ADAMTS3: variants seen among roughly 807,000 people sequenced by gnomAD.
ADAMTS3 encodes the protein ADAM metallopeptidase with thrombospondin type 1 motif 3.
A neutral mutation model predicts 129.0 loss-of-function variants in ADAMTS3; 73 were observed. That is an observed-to-expected ratio of 0.57 (90% CI 0.47 to 0.69). ADAMTS3 has a LOEUF of 0.69. Ranked by LOEUF, ADAMTS3 falls within the 30% of genes least tolerant of loss-of-function variation. The probability of loss-of-function intolerance (pLI) is 0.00; values close to 1 mark genes in which losing one functional copy is unlikely to be tolerated. For missense variants in ADAMTS3, 1,457 were observed against 1,514.5 expected, an observed-to-expected ratio of 0.96 and a Z score of 0.63; for synonymous variants, 477 against 510.8, an observed-to-expected ratio of 0.93 and a Z score of 0.89.
At chr4:72,511,156 G>A (rs1391499258) in intron 3 of ADAMTS3, among the ~76,000 whole-genome samples, 2 of 151,988 alleles carry the variant, frequency 1.3e-5, no homozygotes, top group African/African-American at 4.8e-5. Flanking sequence ...AAATCTCAGA[G>A]CTCAAATTAT....
chr4:72,393,175 C>T (rs924175990), intron 4 of ADAMTS3, among the ~76,000 whole-genome samples: 2 of 152,062 alleles, frequency 1.3e-5, no homozygotes, highest in African/African-American at 4.8e-5. Context: ...CCACCCACCT[C>T]GGCCGCCCAA....
intron 3 of ADAMTS3, among the ~76,000 whole-genome samples, chr4:72,455,663 C>A (rs939547787): frequency 6.8e-6 from 1 of 146,224 alleles, no homozygotes; most frequent in East Asian, 2.0e-4. Context: ...TGGACAGTTT[C>A]TTTAAAAAGA....
chr4:72,340,005 G>C (rs1720094251), intron 4 of ADAMTS3, among the ~76,000 whole-genome samples: 1 of 152,154 alleles, frequency 6.6e-6, no homozygotes, highest in Non-Finnish European at 1.5e-5. Context: ...AGTCAAGGCA[G>C]TGGGGGTACA....
intron 3 of ADAMTS3, among the ~76,000 whole-genome samples, chr4:72,496,578 C>G (rs1719877834): frequency 1.3e-5 from 2 of 152,028 alleles, no homozygotes; most frequent in Non-Finnish European, 2.9e-5. Flanking sequence ...ATCCTATGAC[C>G]ACTATGGAGC....
At chr4:72,539,491 G>GAAAAAAAAAAAAA (rs71215438) in intron 3 of ADAMTS3, among the ~76,000 whole-genome samples, 3 of 86,614 alleles carry the variant, frequency 3.5e-5, no homozygotes, top group African/African-American at 4.3e-5. Context: ...GCTACTATCA[G>GAAAAAAAAAAAAA]AAAAAAAAAA....
intron 3 of ADAMTS3, among the ~76,000 whole-genome samples, chr4:72,430,615 C>G (rs565102339): frequency 6.6e-6 from 1 of 151,922 alleles, no homozygotes; most frequent in South Asian, 2.1e-4. Context: ...AATCCATGAA[C>G]ATAGTAAATT....
At chr4:72,350,282 C>A (rs777649973) in intron 4 of ADAMTS3, among the ~76,000 whole-genome samples, 2 of 151,950 alleles carry the variant, frequency 1.3e-5, no homozygotes, top group Non-Finnish European at 2.9e-5. Context: ...GAAATAGTAT[C>A]GACCATATGG....
At chr4:72,286,537 G>C (rs895524900) in intron 21 of ADAMTS3, among the ~76,000 whole-genome samples, 4 of 152,158 alleles carry the variant, frequency 2.6e-5, no homozygotes, top group Non-Finnish European at 5.9e-5. Context: ...TAAAACATTT[G>C]ACAAGATAGT....
At chr4:72,530,622 ATAT>A (rs1326019588) in intron 3 of ADAMTS3, among the ~76,000 whole-genome samples, 26 of 85,710 alleles carry the variant, frequency 3.0e-4, no homozygotes, top group African/African-American at 9.5e-4. Flanking sequence ...TATATAATAT[ATAT>A]TATTATATAA....
In ADAMTS3 at chr4:72,322,206, ACT is replaced by A. The variant is rs550217500; in HGVS notation, c.945+806_945+807del. ...TGGCAATATAAAATAGATTGATGAC[ACT>A]CTATCATTATAAAATGATAAGTGGA... On this transcript the variant is annotated intron_variant, in intron 6 of 21. Coordinates refer to ENST00000286657, the MANE Select transcript of ADAMTS3 (RefSeq NM_014243.3). Among the ~76,000 whole-genome samples the A allele has an allele frequency of 5.3e-5, 8 of 152,278 alleles. 1 individual carries two copies. The South Asian group carries it at 1.7e-3, about 32-fold the overall frequency.
Position 72,568,779 on chromosome 4 carries a change from T to G in ADAMTS3, c.-17A>C. ...GAGAACCATCACGAGTCGAGTTCAC[T>G]TTCCAACTACTGGGCAAAGCAAATG... On this transcript the variant is annotated 5_prime_UTR_variant, in exon 1 of 22. Coordinates refer to ENST00000286657, the MANE Select transcript of ADAMTS3 (RefSeq NM_014243.3). 1 of 1,611,548 alleles carries G rather than the reference T, an allele frequency of 6.2e-7. No homozygotes were observed. The highest frequency in any genetic ancestry group is 8.5e-7 in the Non-Finnish European group (1 of 1,178,294).
At chr4:72,385,434 G>C (rs959318983) in intron 4 of ADAMTS3, among the ~76,000 whole-genome samples, 1 of 151,964 alleles carries the variant, frequency 6.6e-6, no homozygotes, top group Non-Finnish European at 1.5e-5. Context: ...CAGGTACGAA[G>C]AGCAGGTAGG....
At chr4:72,288,927 C>CACACACAA in intron 20 of ADAMTS3, 59 bp from the exon 21 acceptor site, 1 of 195,290 alleles carries the variant, frequency 5.1e-6, no homozygotes, top group Non-Finnish European at 1.1e-5. Flanking sequence ...TGCACATACA[C>CACACACAA]ACACACACAC....
intron 3 of ADAMTS3, among the ~76,000 whole-genome samples, chr4:72,463,414 C>G (rs1452347400): frequency 6.6e-6 from 1 of 151,948 alleles, no homozygotes; most frequent in Admixed American, 6.6e-5. Flanking sequence ...TTATTTATGC[C>G]TTGGCATTTG....
intron 3 of ADAMTS3, among the ~76,000 whole-genome samples, chr4:72,455,709 T>C (rs1718533917): frequency 6.8e-6 from 1 of 147,732 alleles, no homozygotes; most frequent in Admixed American, 6.9e-5. Context: ...GTTAGTGATA[T>C]CTGTCGGCTT....
At chr4:72,548,408 A>G (rs1173616734) in intron 3 of ADAMTS3, 70 bp downstream of exon 3, 3 of 1,499,802 alleles carry the variant, frequency 2.0e-6, no homozygotes, top group African/African-American at 2.8e-5. Flanking sequence ...TCCACCTTCC[A>G]AACTATGCAG....
At chr4:72,456,079 C>CTA (rs1294212762) in intron 3 of ADAMTS3, among the ~76,000 whole-genome samples, 9 of 39,422 alleles carry the variant, frequency 2.3e-4, no homozygotes, top group Non-Finnish European at 2.7e-4. Flanking sequence ...AGTATATATA[C>CTA]TATATATATT....
Position 72,339,501 on chromosome 4 carries a change from A to T in ADAMTS3, c.854T>A (p.Met285Lys). Reference sequence around the variant, plus strand: ...AAAGGAGTCACTACTCACAATGTTCATTAGGGTCAGGAGGTAGTTTTGGAC... The same window carrying T: ...AAAGGAGTCACTACTCACAATGTTCTTTAGGGTCAGGAGGTAGTTTTGGAC... The part of the protein sequence containing the change: ...EHVQNYLLTL[M>K]NIVNEIYHDE... The change falls in exon 5 of 22, where the codon ATG becomes AAG. Residue 285 changes from methionine to lysine, a missense_variant. By Grantham distance (95) the Met-to-Lys change is moderately conservative (BLOSUM62 -1). Coordinates refer to ENST00000286657, the MANE Select transcript of ADAMTS3 (RefSeq NM_014243.3). 6.2e-7 allele frequency: 1 copy of T among 1,613,880 alleles called. No individual in the cohort carries two copies. Among genetic ancestry groups the T allele is most frequent in the Admixed American group, 1.7e-5 (1 of 60,004 alleles).
intron 20 of ADAMTS3, 50 bp from the exon 21 acceptor site, chr4:72,288,918 G>GCACACA (rs764883582): frequency 5.5e-5 from 31 of 564,404 alleles, no homozygotes; most frequent in Middle Eastern, 9.9e-4. Context: ...CCAAGACCAT[G>GCACACA]CACATACACA....
Sources: gnomAD v4.1 joint callset for allele counts (sites outside exome capture counted in the v4.1 genomes callset) on GRCh38, gnomAD v4.1.1 for gene constraint, MANE v1.5 for transcripts, NCBI Gene and HGNC (gene_info 2026-07-23, HGNC 2026-07-21) for gene names.